DMXL2: variants seen among roughly 807,000 people sequenced by gnomAD.
The protein encoded by DMXL2 is dmX-like protein 2.
A neutral mutation model predicts 331.1 loss-of-function variants in DMXL2; 103 were observed. The observed-to-expected ratio is 0.31, with a 90% CI of 0.27 to 0.37. The LOEUF is 0.37. DMXL2 is among the 10% of genes least tolerant of loss of function. The pLI, the probability that DMXL2 is intolerant of heterozygous loss-of-function variation, is 1.00. For missense variants in DMXL2, 3,171 were observed against 3,642.9 expected, an observed-to-expected ratio of 0.87 and a Z score of 3.33; for synonymous variants, 1,281 against 1,252.1, an observed-to-expected ratio of 1.02 and a Z score of -0.49.
intron 3 of DMXL2, chr15:51,567,992 AGGACCAT>A (rs2050403418): frequency 6.5e-6 from 1 of 152,984 alleles, no homozygotes; most frequent in African/African-American, 2.4e-5. Flanking sequence ...TTGAGGTGGG[AGGACCAT>A]TTGACAGGTT....
chr15:51,603,162 A>C (rs1283432567), intron 1 of DMXL2, among the ~76,000 whole-genome samples: 2 of 152,228 alleles, frequency 1.3e-5, no homozygotes, highest in Admixed American at 1.3e-4. Context: ...CAGAAAACCA[A>C]GAGTGAATAT....
At chr15:51,528,608 G>GT (rs1428611154) in intron 13 of DMXL2, among the ~76,000 whole-genome samples, 1 of 151,994 alleles carries the variant, frequency 6.6e-6, no homozygotes. Flanking sequence ...CCAACACTGG[G>GT]GCACCCAGAT....
chr15:51,602,040 C>T (rs2053262308), intron 1 of DMXL2, among the ~76,000 whole-genome samples: 1 of 152,028 alleles, frequency 6.6e-6, no homozygotes, highest in Non-Finnish European at 1.5e-5. Flanking sequence ...TGATGTCTCT[C>T]CCACTTGATG....
intron 8 of DMXL2, among the ~76,000 whole-genome samples, chr15:51,542,770 T>C (rs952405939): frequency 1.3e-5 from 2 of 152,070 alleles, no homozygotes; most frequent in Admixed American, 6.6e-5. Flanking sequence ...CCCGTTAATA[T>C]TAGGAGGTCC....
At chr15:51,500,296 A>G in intron 17 of DMXL2, 65 bp from the exon 18 acceptor site, 1 of 1,436,718 alleles carries the variant, frequency 7.0e-7, no homozygotes, top group Non-Finnish European at 9.3e-7. Flanking sequence ...ATATGGTAGT[A>G]ATCAAATTCT....
rs762393936 is a variant in DMXL2 at position 51,564,158 on chromosome 15, A to T, written c.467T>A (p.Val156Asp). The T allele has an allele frequency of 1.9e-6, 3 of 1,606,410 alleles. No individual in the cohort carries two copies. In the South Asian group the frequency reaches 3.3e-5, roughly 18 times the overall value. Residue 156 changes from valine (V) to aspartate (D), a missense_variant, in exon 5 of 44, where the codon GTT becomes GAT. By Grantham distance (152) the Val-to-Asp change is radical (BLOSUM62 -3). Around this residue, in one of 7 missense-constraint regions of DMXL2, gnomAD observed 1,674 missense variants for 1,780.2 expected, o/e 0.94. Transcript: ENST00000560891. ...EEEIDNTVPP[V>D]LNDWKCVWQC... Reference sequence around the variant, plus strand: ...CCAGACACACTTCCAATCATTTAAAACAGGAGGAACTGTATTATCAATTTC... The same window carrying T: ...CCAGACACACTTCCAATCATTTAAATCAGGAGGAACTGTATTATCAATTTC...
chr15:51,537,688 T>G lies in DMXL2; in HGVS notation c.1417A>C (p.Ser473Arg), dbSNP rs757803547. The change falls in exon 11 of 44, where the codon AGT becomes CGT. Residue 473 changes from serine (S) to arginine (R), a missense_variant. By Grantham distance (110) the Ser-to-Arg change is moderately radical. Coordinates refer to ENST00000560891, the MANE Select transcript of DMXL2 (RefSeq NM_001378457.1). ...SEHEDGEREG[S>R]PRTYSRLSVP... Reference sequence around the variant, plus strand: ...CTAAGTCGTGAGTAAGTTCTAGGACTTCCTTCTCTTTCTCCATCTTCATGT... The same window carrying G: ...CTAAGTCGTGAGTAAGTTCTAGGACGTCCTTCTCTTTCTCCATCTTCATGT... The G allele has an allele frequency of 2.5e-6, 4 of 1,613,770 alleles. No homozygotes were observed. In the African/African-American group the frequency reaches 4.0e-5, roughly 16 times the overall value.
At chr15:51,482,976 G>A (rs558113421) in intron 23 of DMXL2, among the ~76,000 whole-genome samples, 2 of 152,280 alleles carry the variant, frequency 1.3e-5, no homozygotes, top group South Asian at 4.1e-4. Context: ...CAGTGTGGAG[G>A]TACCCGGCCT....
At chr15:51,478,143 T>G (rs964772718) in intron 26 of DMXL2, 128 bp downstream of exon 26, 1 of 614,888 alleles carries the variant, frequency 1.6e-6, no homozygotes, top group Non-Finnish European at 2.7e-6. Context: ...TTCTCTCGCA[T>G]GTATTAAAAT....
intron 29 of DMXL2, among the ~76,000 whole-genome samples, chr15:51,466,944 G>A (rs1376701841): frequency 3.3e-5 from 5 of 151,792 alleles, no homozygotes. Context: ...GAAAAATGTA[G>A]TCTAGATTGA....
intron 18 of DMXL2, 62 bp downstream of exon 18, chr15:51,498,490 T>C (rs879259015): frequency 6.0e-6 from 9 of 1,508,200 alleles, no homozygotes; most frequent in Non-Finnish European, 8.1e-6. Context: ...TGAGTCAGTA[T>C]AGAGATAATA....
chr15:51,466,284 C>T lies in DMXL2; in HGVS notation c.7420G>A (p.Val2474Ile), dbSNP rs144695767. The T allele has an allele frequency of 6.8e-7, 1 of 1,480,126 alleles. No homozygotes were observed. Among genetic ancestry groups the T allele is most frequent in the Non-Finnish European group, 9.0e-7 (1 of 1,111,470 alleles). 91.7% of individuals were successfully genotyped at this position (1,480,126 alleles called of 1,614,324 possible). The change falls in exon 30 of 44, where the codon GTT becomes ATT. Residue 2474 changes from valine (V) to isoleucine (I), a missense_variant. Around this residue, in one of 7 missense-constraint regions of DMXL2, gnomAD observed 766 missense variants for 940.5 expected, o/e 0.81. Coordinates refer to ENST00000560891, the MANE Select transcript of DMXL2 (RefSeq NM_001378457.1). ...KPFLPLSDSG[V>I]IYDSDESIHS... is the part of the protein sequence containing the mutation. ...ATGCTTTCATCAGAATCATATATAA[C>T]ACCACTATCAGACAAAGGAAGAAAT...
intron 1 of DMXL2, among the ~76,000 whole-genome samples, chr15:51,619,394 G>C (rs149258503): frequency 1.9e-3 from 292 of 152,278 alleles, no homozygotes; most frequent in African/African-American, 6.7e-3. Flanking sequence ...GAATGTTTAA[G>C]GAAACAGCTG....
rs770594369 is a variant in DMXL2, at chr15:51,506,399, CT to C, written c.2764+734del. On this transcript the variant is annotated intron_variant, in intron 16 of 43. Transcript: ENST00000560891. ...TTCTTAATGCTCTACAAAAACAGTT[CT>C]GCTTATAAGTCTCAGGCACTCAATC... Among the ~76,000 whole-genome samples the C allele has an allele frequency of 6.0e-5, 9 of 150,046 alleles. No individual in the cohort carries two copies. The East Asian group carries it at 1.8e-3, about 30-fold the overall frequency.
intron 27 of DMXL2, 142 bp downstream of exon 27, chr15:51,476,447 T>C (rs1367945178): frequency 1.4e-5 from 13 of 943,136 alleles, no homozygotes; most frequent in Non-Finnish European, 1.9e-5. Flanking sequence ...TCCTAATCCA[T>C]AGCAGAAAAA....
rs534899280 is a variant in DMXL2 at position 51,520,179 on chromosome 15, C to T, written c.2437-3012G>A. Among the ~76,000 whole-genome samples the T allele has an allele frequency of 2.6e-5, 4 of 152,288 alleles. No homozygotes were observed. In the South Asian group the frequency reaches 8.3e-4, roughly 32 times the overall value. ...GCATTGTTAGTTGCTGTTATCTCTACCTGAAATATCCTTTTCCTCCTTCAC... is the reference window on the plus strand; with the variant it reads ...GCATTGTTAGTTGCTGTTATCTCTATCTGAAATATCCTTTTCCTCCTTCAC... On this transcript the variant is annotated intron_variant, in intron 13 of 43. Coordinates refer to ENST00000560891, the MANE Select transcript of DMXL2 (RefSeq NM_001378457.1).
At chr15:51,602,635 C>A (rs1350476606) in intron 1 of DMXL2, among the ~76,000 whole-genome samples, 2 of 152,174 alleles carry the variant, frequency 1.3e-5, no homozygotes, top group Non-Finnish European at 2.9e-5. Context: ...GCTTAAACAG[C>A]AGAGCAAAGA....
At chr15:51,566,232 GGTGTGTGTGTGT>G (rs71127197) in intron 3 of DMXL2, among the ~76,000 whole-genome samples, 4,110 of 144,804 alleles carry the variant, frequency 0.028, 128 homozygotes, top group African/African-American at 0.082. Flanking sequence ...GTGTGTGTGG[GGTGTGTGTGTGT>G]GTGTGTGTGT....
At chr15:51,503,194 A>G (rs975811457) in intron 16 of DMXL2, among the ~76,000 whole-genome samples, 161 bp from the exon 17 acceptor site, 25 of 152,214 alleles carry the variant, frequency 1.6e-4, no homozygotes, top group African/African-American at 5.5e-4. Context: ...CAGAATGACC[A>G]TATGACTCAG....
Sources: gnomAD v4.1 joint callset for allele counts (sites outside exome capture counted in the v4.1 genomes callset) on GRCh38, gnomAD v4.1.1 for gene constraint, gnomAD v4.1.1 regional missense constraint, MANE v1.5 for transcripts, NCBI Gene and HGNC (gene_info 2026-07-23, HGNC 2026-07-21) for gene names.